Variants in MAF observed in about 807,000 individuals in gnomAD.
MAF encodes the protein transcription factor Maf.
MAF carries 10 observed loss-of-function variants against 22.0 expected under a neutral mutation model. That is an observed-to-expected ratio of 0.45 (90% CI 0.28 to 0.77). MAF has a LOEUF of 0.77. MAF is among the 30% of genes least tolerant of loss of function. MAF has a pLI of 0.12. For synonymous variants in MAF, 337 were observed against 255.8 expected (o/e 1.32, Z -3.03); for missense variants, 544 against 548.4 (o/e 0.99, Z 0.08).
the MAF span, among the ~76,000 whole-genome samples, chr16:79,220,274 A>AT: frequency 6.7e-6 from 1 of 148,290 alleles, no homozygotes; most frequent in South Asian, 2.1e-4. Context: ...AAAAAAAAAA[A>AT]GTTAAAGTTA....
chr16:79,462,795 T>A, the MAF span, among the ~76,000 whole-genome samples: 1 of 152,250 alleles, frequency 6.6e-6, no homozygotes, highest in African/African-American at 2.4e-5. Flanking sequence ...CCAGGCACTC[T>A]GCTAGGTGCT....
chr16:79,480,974 C>T, the MAF span, among the ~76,000 whole-genome samples: 1 of 152,114 alleles, frequency 6.6e-6, no homozygotes, highest in African/African-American at 2.4e-5. Flanking sequence ...AAAAAAGCAC[C>T]CCCAACTCCA....
At chr16:79,279,978 T>C in the MAF span, among the ~76,000 whole-genome samples, 3 of 152,198 alleles carry the variant, frequency 2.0e-5, no homozygotes, top group African/African-American at 7.2e-5. Context: ...GTGTTCTCGA[T>C]GCTTTGATGT....
chr16:79,529,104 G>A, the MAF span, among the ~76,000 whole-genome samples: 6 of 152,126 alleles, frequency 3.9e-5, no homozygotes, highest in African/African-American at 9.7e-5. Context: ...AACTACTGCA[G>A]GACTGATTGC....
the MAF span, among the ~76,000 whole-genome samples, chr16:79,571,894 C>A: frequency 1.5e-4 from 23 of 152,264 alleles, no homozygotes; most frequent in South Asian, 4.4e-3. Flanking sequence ...CCAAGTGCAA[C>A]AAGGTCAAAG....
chr16:79,391,985 C>T, the MAF span, among the ~76,000 whole-genome samples: 19 of 130,774 alleles, frequency 1.5e-4, no homozygotes, highest in South Asian at 5.1e-4. Flanking sequence ...AAGGGAGAGG[C>T]GAGAGAGAAG....
the MAF span, among the ~76,000 whole-genome samples, chr16:79,330,659 G>C: frequency 6.6e-6 from 1 of 152,236 alleles, no homozygotes; most frequent in African/African-American, 2.4e-5. Context: ...GGGAGAGGTA[G>C]TCATCAAAAC....
downstream of MAF, among the ~76,000 whole-genome samples, chr16:79,583,855 A>G (rs1912677434): frequency 6.6e-6 from 1 of 152,230 alleles, no homozygotes; most frequent in Non-Finnish European, 1.5e-5. Context: ...GGTGAAAGGC[A>G]TACAAGGAGT....
At chr16:79,287,957 G>T in the MAF span, among the ~76,000 whole-genome samples, 1 of 152,174 alleles carries the variant, frequency 6.6e-6, no homozygotes, top group Non-Finnish European at 1.5e-5. Flanking sequence ...AACCCATTAT[G>T]TGCCAAACAA....
downstream of MAF, among the ~76,000 whole-genome samples, chr16:79,581,805 T>C (rs1912537245): frequency 6.6e-6 from 1 of 152,174 alleles, no homozygotes; most frequent in South Asian, 2.1e-4. Flanking sequence ...CACCCCTGGA[T>C]TGTTAATTAC....
chr16:79,287,443 A>C, the MAF span, among the ~76,000 whole-genome samples: 1 of 152,124 alleles, frequency 6.6e-6, no homozygotes, highest in Non-Finnish European at 1.5e-5. Context: ...AAGCTTGAGG[A>C]CCAGCAGCTG....
At chr16:79,337,462 G>T in the MAF span, among the ~76,000 whole-genome samples, 8 of 152,132 alleles carry the variant, frequency 5.3e-5, no homozygotes, top group Non-Finnish European at 1.2e-4. Context: ...CAGCTACTCA[G>T]GAGGCTGAGG....
At chr16:79,209,425 T>C in the MAF span, among the ~76,000 whole-genome samples, 1 of 152,216 alleles carries the variant, frequency 6.6e-6, no homozygotes, top group Non-Finnish European at 1.5e-5. Context: ...AACGGACTGC[T>C]TTGGTCTTTC....
chr16:79,541,810 C>T, the MAF span, among the ~76,000 whole-genome samples: 1 of 152,046 alleles, frequency 6.6e-6, no homozygotes, highest in East Asian at 1.9e-4. Flanking sequence ...CAGGCACCAC[C>T]ACGCCCAGCT....
chr16:79,400,021 G>A, the MAF span, among the ~76,000 whole-genome samples: 3 of 152,140 alleles, frequency 2.0e-5, no homozygotes, highest in African/African-American at 4.8e-5. Flanking sequence ...GAATAGTAAT[G>A]GCAGTACCCG....
At chr16:79,246,206 T>A in the MAF span, among the ~76,000 whole-genome samples, 1 of 151,788 alleles carries the variant, frequency 6.6e-6, no homozygotes, top group Admixed American at 6.6e-5. Context: ...TAAAGTATAA[T>A]AAAAGAAAAT....
the MAF span, among the ~76,000 whole-genome samples, chr16:79,379,624 C>G: frequency 6.6e-6 from 1 of 152,134 alleles, no homozygotes; most frequent in Non-Finnish European, 1.5e-5. Flanking sequence ...TTTAGTTAAA[C>G]TTTATCAAGA....
At chr16:79,206,235 G>C in the MAF span, 1 of 152,262 alleles carries the variant, frequency 6.6e-6, no homozygotes. Context: ...TGGCCTGGCT[G>C]AGAAGGCGGC....
the MAF span, among the ~76,000 whole-genome samples, chr16:79,488,163 G>A: frequency 1.3e-5 from 2 of 152,332 alleles, no homozygotes; most frequent in East Asian, 1.9e-4. Flanking sequence ...TGAGTTAGAA[G>A]AGCACGCAGA....
Sources: gnomAD v4.1 joint callset for allele counts (sites outside exome capture counted in the v4.1 genomes callset) on GRCh38, gnomAD v4.1.1 for gene constraint, MANE v1.5 for transcripts, NCBI Gene and HGNC (gene_info 2026-07-23, HGNC 2026-07-21) for gene names.